Variants in SLC9A9 observed in about 807,000 individuals in gnomAD.
The protein encoded by SLC9A9 is solute carrier family 9 member A9, also known as sodium/hydrogen exchanger 9.
Under a neutral mutation model 77.8 loss-of-function variants are expected in SLC9A9, and 62 were observed. That is an observed-to-expected ratio of 0.80 (90% CI 0.65 to 0.98). The LOEUF (loss-of-function observed/expected upper bound fraction) is 0.98, where lower values mean the gene tolerates loss of function less well. SLC9A9 is among the 50% of genes least tolerant of loss of function. The pLI is 0.00. For synonymous variants in SLC9A9, 320 were observed against 283.5 expected, an observed-to-expected ratio of 1.13 and a Z score of -1.29; for missense variants, 775 against 774.9, an observed-to-expected ratio of 1.00 and a Z score of 0.00.
chr3:143,474,092 C>T (rs991562113), intron 11 of SLC9A9, among the ~76,000 whole-genome samples: 1 of 152,124 alleles, frequency 6.6e-6, no homozygotes, highest in African/African-American at 2.4e-5. Context: ...GAGGGAGAAG[C>T]CATCTGGGTA....
At chr3:143,317,364 G>A (rs2031251132) in intron 14 of SLC9A9, among the ~76,000 whole-genome samples, 1 of 152,092 alleles carries the variant, frequency 6.6e-6, no homozygotes, top group Non-Finnish European at 1.5e-5. Context: ...GCCCTCCCAG[G>A]AGCCCACACC....
Position 143,848,161 on chromosome 3 carries a change from T to A in SLC9A9, c.162A>T (p.Gly54=). The A allele has an allele frequency of 6.2e-7, 1 of 1,613,898 alleles. No individual in the cohort carries two copies. The highest frequency in any genetic ancestry group is 8.5e-7 in the Non-Finnish European group (1 of 1,179,862). The change falls in exon 1 of 16, where the codon GGA becomes GGT. Residue 54 remains glycine, a synonymous_variant. Coordinates refer to ENST00000316549, the MANE Select transcript of SLC9A9 (RefSeq NM_173653.4). ...HRFRFLHETG[G]AMVYGLIMGL... ...TTATGCACTCACCATACACCATTGC[T>A]CCTCCAGTTTCATGCAAGAAGCGGA...
At chr3:143,735,535 G>T (rs1336089068) in intron 4 of SLC9A9, among the ~76,000 whole-genome samples, 1 of 152,132 alleles carries the variant, frequency 6.6e-6, no homozygotes, top group Non-Finnish European at 1.5e-5. Flanking sequence ...CACAGTACCT[G>T]GCATACACGA....
intron 14 of SLC9A9, among the ~76,000 whole-genome samples, chr3:143,338,457 A>G (rs1270054328): frequency 6.6e-6 from 1 of 152,212 alleles, no homozygotes; most frequent in African/African-American, 2.4e-5. Flanking sequence ...GAGGGAGAAA[A>G]GCAGTAAGCG....
intron 6 of SLC9A9, among the ~76,000 whole-genome samples, chr3:143,596,999 C>CT (rs903641156): frequency 2.6e-5 from 4 of 151,582 alleles, no homozygotes; most frequent in African/African-American, 9.7e-5. Flanking sequence ...CACGGTAAAT[C>CT]TTTTTTTTTC....
At chr3:143,729,287 ACT>A (rs376554604) in intron 4 of SLC9A9, among the ~76,000 whole-genome samples, 63 of 152,132 alleles carry the variant, frequency 4.1e-4, no homozygotes, top group African/African-American at 1.5e-3. Context: ...TTGAATCCAG[ACT>A]CTTCTACATT....
chr3:143,767,717 A>C (rs1356705245), intron 4 of SLC9A9, among the ~76,000 whole-genome samples: 2 of 152,188 alleles, frequency 1.3e-5, no homozygotes, highest in Admixed American at 6.5e-5. Context: ...TTTAAAGTTC[A>C]ATACATGTTT....
chr3:143,699,336 A>C (rs908881767), intron 4 of SLC9A9, among the ~76,000 whole-genome samples: 27 of 152,314 alleles, frequency 1.8e-4, no homozygotes, highest in African/African-American at 6.0e-4. Flanking sequence ...CTACACAAAA[A>C]AAAAGCAACT....
intron 6 of SLC9A9, among the ~76,000 whole-genome samples, chr3:143,618,840 A>G (rs1273127418): frequency 6.6e-6 from 1 of 151,984 alleles, no homozygotes; most frequent in Non-Finnish European, 1.5e-5. Flanking sequence ...TAAAGCAAGC[A>G]GATAGAATTT....
intron 2 of SLC9A9, among the ~76,000 whole-genome samples, chr3:143,818,080 T>C (rs924611742): frequency 2.0e-5 from 3 of 152,222 alleles, no homozygotes; most frequent in African/African-American, 7.2e-5. Flanking sequence ...TTTATAGTGG[T>C]TGCATAATAT....
intron 5 of SLC9A9, among the ~76,000 whole-genome samples, chr3:143,670,356 G>A (rs2039137952): frequency 1.3e-5 from 2 of 152,336 alleles, no homozygotes; most frequent in African/African-American, 4.8e-5. Context: ...GGGTTACAGA[G>A]CAGCATGTGC....
chr3:143,433,597 AG>A (rs2034568971), intron 12 of SLC9A9, among the ~76,000 whole-genome samples: 1 of 152,218 alleles, frequency 6.6e-6, no homozygotes, highest in Non-Finnish European at 1.5e-5. Context: ...ATATTATAAA[AG>A]GTGGGGGTGT....
chr3:143,729,623 C>T (rs1934750674), intron 4 of SLC9A9, among the ~76,000 whole-genome samples: 1 of 152,124 alleles, frequency 6.6e-6, no homozygotes, highest in Admixed American at 6.5e-5. Flanking sequence ...CTTGGGATGG[C>T]ACAAAATACC....
At chr3:143,805,345 A>T (rs1278380765) in intron 2 of SLC9A9, among the ~76,000 whole-genome samples, 1 of 151,980 alleles carries the variant, frequency 6.6e-6, no homozygotes, top group Non-Finnish European at 1.5e-5. Flanking sequence ...CACTGCCCCT[A>T]ATCCTGCTGG....
intron 6 of SLC9A9, among the ~76,000 whole-genome samples, chr3:143,606,926 A>C (rs1337956355): frequency 6.6e-6 from 1 of 152,190 alleles, no homozygotes; most frequent in African/African-American, 2.4e-5. Flanking sequence ...AAACATATCA[A>C]ATTCTGAGTG....
chr3:143,840,779 G>A (rs2009686819), intron 1 of SLC9A9, among the ~76,000 whole-genome samples: 1 of 151,918 alleles, frequency 6.6e-6, no homozygotes, highest in Non-Finnish European at 1.5e-5. Flanking sequence ...ATGAGAGAAC[G>A]ACTGCAGCCA....
intron 13 of SLC9A9, among the ~76,000 whole-genome samples, chr3:143,381,627 G>T (rs7627518): frequency 6.6e-6 from 1 of 152,018 alleles, no homozygotes; most frequent in Non-Finnish European, 1.5e-5. Context: ...GGATCACCTA[G>T]ACAGTTTTTT....
intron 14 of SLC9A9, among the ~76,000 whole-genome samples, chr3:143,279,287 G>A (rs1397907295): frequency 1.3e-5 from 2 of 152,132 alleles, no homozygotes; most frequent in African/African-American, 2.4e-5. Flanking sequence ...CATGACTGAT[G>A]TCACAGTTTC....
intron 14 of SLC9A9, among the ~76,000 whole-genome samples, chr3:143,346,019 A>AT (rs146287132): frequency 3.2e-4 from 48 of 151,052 alleles, no homozygotes; most frequent in East Asian, 1.2e-3. Context: ...GAATGCAAAG[A>AT]TTTTTTTTTT....
Sources: allele counts gnomAD v4.1 joint callset (sites outside exome capture counted in the v4.1 genomes callset), GRCh38; gene constraint gnomAD v4.1.1; transcripts MANE v1.5; gene names NCBI Gene and HGNC (gene_info 2026-07-23, HGNC 2026-07-21).